The following PREX2 variants were observed in gnomAD, a reference collection of about 807,000 sequenced individuals.
PREX2 encodes the protein phosphatidylinositol 3,4,5-trisphosphate-dependent Rac exchanger 2 protein.
A neutral mutation model predicts 203.2 loss-of-function variants in PREX2; 107 were observed. The ratio of observed to expected loss-of-function variants is 0.53; its 90% confidence interval spans 0.45 to 0.62. The LOEUF is 0.62. Among genes scored for constraint, PREX2 ranks in the 20% least tolerant of loss-of-function variants. The probability of loss-of-function intolerance (pLI) is 0.00; values close to 1 mark genes in which losing one functional copy is unlikely to be tolerated. For synonymous variants in PREX2, 672 were observed against 663.6 expected, an observed-to-expected ratio of 1.01 and a Z score of -0.19; for missense variants, 1,777 against 1,955.9, an observed-to-expected ratio of 0.91 and a Z score of 1.72.
At chr8:68,152,067 A>G (rs1811445442) in intron 34 of PREX2, among the ~76,000 whole-genome samples, 6 of 151,780 alleles carry the variant, frequency 4.0e-5, no homozygotes, top group African/African-American at 1.5e-4. Context: ...AGGTGGGTGG[A>G]TCACGAGGTC....
chr8:68,202,503 TG>T (rs1441242842), intron 37 of PREX2, among the ~76,000 whole-genome samples: 1 of 152,136 alleles, frequency 6.6e-6, no homozygotes, highest in African/African-American at 2.4e-5. Context: ...ATTACTATCA[TG>T]GTCTGTAATG....
chr8:68,198,869 G>T (rs1245769634), intron 37 of PREX2, among the ~76,000 whole-genome samples: 2 of 152,150 alleles, frequency 1.3e-5, no homozygotes, highest in African/African-American at 4.8e-5. Flanking sequence ...TAAATAATAG[G>T]TTATCAGTGG....
intron 23 of PREX2, chr8:68,105,088 C>G (rs1231148380): frequency 7.5e-7 from 1 of 1,336,420 alleles, no homozygotes; most frequent in Non-Finnish European, 1.0e-6. Context: ...TCAGGATGTT[C>G]TCATGCATGA....
intron 38 of PREX2, among the ~76,000 whole-genome samples, chr8:68,219,479 T>G (rs1812911176): frequency 6.6e-6 from 1 of 152,196 alleles, no homozygotes. Context: ...AAAATTCCTG[T>G]TGGTATATAA....
chr8:68,217,013 CA>C (rs1812855246), intron 37 of PREX2, among the ~76,000 whole-genome samples: 1 of 146,290 alleles, frequency 6.8e-6, no homozygotes, highest in Non-Finnish European at 1.5e-5. Context: ...AGGAAAAGAA[CA>C]AAGGCTCACC....
chr8:68,108,585 C>G (rs1244621146), intron 24 of PREX2, among the ~76,000 whole-genome samples: 4 of 152,186 alleles, frequency 2.6e-5, no homozygotes, highest in Admixed American at 6.6e-5. Flanking sequence ...ATATGATAGG[C>G]ACAGCTCATC....
At chr8:68,103,730 G>A (rs78241729) in intron 23 of PREX2, 9,262 of 519,468 alleles carry the variant, frequency 0.018, 109 homozygotes, top group Non-Finnish European at 0.027. Context: ...GCAGTTGACC[G>A]TAAACCTCTA....
intron 33 of PREX2, among the ~76,000 whole-genome samples, chr8:68,140,900 G>A (rs1811216657): frequency 6.6e-6 from 1 of 152,096 alleles, no homozygotes; most frequent in Admixed American, 6.6e-5. Context: ...AGAATAATGA[G>A]ATTCTGAAGA....
intron 34 of PREX2, among the ~76,000 whole-genome samples, chr8:68,147,721 G>T (rs544844272): frequency 1.6e-3 from 248 of 152,314 alleles, no homozygotes; most frequent in South Asian, 5.4e-3. Context: ...TTTAAAAACT[G>T]TGAGTACCTC....
At chr8:68,013,185 A>G (rs1395017843) in intron 1 of PREX2, among the ~76,000 whole-genome samples, 1 of 152,200 alleles carries the variant, frequency 6.6e-6, no homozygotes, top group African/African-American at 2.4e-5. Flanking sequence ...TGAAGCTCCT[A>G]TCCAAATGTG....
rs189540646 is a variant in PREX2 at position 68,083,214 on chromosome 8, C to T, written c.1879-26C>T. The T allele has an allele frequency of 7.0e-3, 10,754 of 1,537,378 alleles. 53 individuals are homozygous for T. Among genetic ancestry groups the T allele is most frequent in the Non-Finnish European group, 8.4e-3 (9,470 of 1,131,692 alleles). On this transcript the variant is annotated intron_variant, in intron 17 of 39. Transcript: ENST00000288368. ...AATTTCTTATTAAAATATACTTTGA[C>T]TTATTTTTTGTAATTTCTCTCTTAG...
At chr8:68,115,976 A>T (rs779070859) in intron 26 of PREX2, 44 bp downstream of exon 26, 5 of 1,486,078 alleles carry the variant, frequency 3.4e-6, no homozygotes, top group Non-Finnish European at 4.5e-6. Flanking sequence ...ACAAAGTCAA[A>T]TATGATGCTG....
intron 5 of PREX2, among the ~76,000 whole-genome samples, chr8:68,027,998 G>A (rs892076176): frequency 6.6e-6 from 1 of 151,926 alleles, no homozygotes. Context: ...TTGAAACTGC[G>A]TTTTTTGGAA....
chr8:68,191,490 T>C (rs1254963873), intron 35 of PREX2, among the ~76,000 whole-genome samples: 1 of 152,218 alleles, frequency 6.6e-6, no homozygotes, highest in Non-Finnish European at 1.5e-5. Flanking sequence ...AAACTAAGCA[T>C]AGACAAGTGA....
intron 37 of PREX2, among the ~76,000 whole-genome samples, chr8:68,204,853 T>G (rs1452247772): frequency 1.3e-5 from 2 of 151,674 alleles, no homozygotes; most frequent in Non-Finnish European, 2.9e-5. Flanking sequence ...GGCTAATTTT[T>G]TGTATTTTTA....
chr8:68,044,653 A>G, intron 8 of PREX2, 63 bp downstream of exon 8: 1 of 1,152,706 alleles, frequency 8.7e-7, no homozygotes, highest in Non-Finnish European at 1.3e-6. Flanking sequence ...TTTGTAAGAC[A>G]GATTTCTCAC....
At chr8:67,967,462 G>A (rs972084512) in intron 1 of PREX2, among the ~76,000 whole-genome samples, 28 of 152,268 alleles carry the variant, frequency 1.8e-4, no homozygotes, top group African/African-American at 6.3e-4. Flanking sequence ...TTGTCAATAA[G>A]GTTTCATGCC....
intron 35 of PREX2, among the ~76,000 whole-genome samples, chr8:68,168,718 G>A (rs1811811291): frequency 6.6e-6 from 1 of 152,150 alleles, no homozygotes; most frequent in African/African-American, 2.4e-5. Context: ...TGGGCAATCT[G>A]CTCTTGGTTT....
intron 1 of PREX2, among the ~76,000 whole-genome samples, chr8:67,980,177 C>T (rs1806225775): frequency 6.6e-6 from 1 of 152,154 alleles, no homozygotes; most frequent in South Asian, 2.1e-4. Context: ...AAATCAGTGG[C>T]AAGTTCCCTT....
Sources: allele counts gnomAD v4.1 joint callset (sites outside exome capture counted in the v4.1 genomes callset), GRCh38; gene constraint gnomAD v4.1.1; transcripts MANE v1.5; gene names NCBI Gene and HGNC (gene_info 2026-07-23, HGNC 2026-07-21).